Variants in HS3ST4 observed in about 807,000 individuals in gnomAD.
The protein encoded by HS3ST4 is heparan sulfate glucosamine 3-O-sulfotransferase 4.
Under a neutral mutation model 29.2 loss-of-function variants are expected in HS3ST4, and 17 were observed. The ratio of observed to expected loss-of-function variants is 0.58; its 90% CI spans 0.40 to 0.87. HS3ST4 has a LOEUF of 0.87. HS3ST4 is among the 40% of genes least tolerant of loss of function. HS3ST4 has a pLI of 0.00. For missense variants in HS3ST4, 627 were observed against 634.5 expected (o/e 0.99, Z 0.13); for synonymous variants, 314 against 285.7 (o/e 1.10, Z -1.00).
At position 25,841,910 on chromosome 16, in the gene HS3ST4, A is replaced by G. The variant is rs146303648; in HGVS notation, c.734+148759A>G. On this transcript the variant is annotated intron_variant, in intron 1 of 1. Coordinates refer to ENST00000331351, the MANE Select transcript of HS3ST4 (RefSeq NM_006040.3). ...ATAAGAGTCCTAAAGACATTCTGAT[A>G]GAGGCTTATAATCAGTACAAATTGT... 6.2e-3 allele frequency among the ~76,000 whole-genome samples: 943 copies of G among 152,368 alleles called. 7 individuals are homozygous for G. Among genetic ancestry groups the G allele is most frequent in the African/African-American group, 0.022 (900 of 41,590 alleles).
chr16:25,832,311 T>G (rs1437345943), intron 1 of HS3ST4, among the ~76,000 whole-genome samples: 3 of 152,100 alleles, frequency 2.0e-5, no homozygotes, highest in Non-Finnish European at 4.4e-5. Context: ...TGTTCTCAAA[T>G]GCAGAAACAA....
At chr16:26,107,784 C>A (rs1268560931) in intron 1 of HS3ST4, among the ~76,000 whole-genome samples, 1 of 152,106 alleles carries the variant, frequency 6.6e-6, no homozygotes, top group East Asian at 1.9e-4. Context: ...TCTTTATTCA[C>A]TCATCGGTTG....
chr16:26,041,298 G>A (rs1013913782), intron 1 of HS3ST4, among the ~76,000 whole-genome samples: 1 of 152,062 alleles, frequency 6.6e-6, no homozygotes, highest in Non-Finnish European at 1.5e-5. Flanking sequence ...CTATGATCAT[G>A]CACTGCACTC....
intron 1 of HS3ST4, among the ~76,000 whole-genome samples, chr16:25,941,914 TTC>T (rs1416988612): frequency 6.6e-6 from 1 of 152,222 alleles, no homozygotes; most frequent in Non-Finnish European, 1.5e-5. Flanking sequence ...TAGAATAGAA[TTC>T]TGTGTGGGCA....
At chr16:25,734,260 T>C (rs1966591391) in intron 1 of HS3ST4, among the ~76,000 whole-genome samples, 2 of 152,272 alleles carry the variant, frequency 1.3e-5, no homozygotes, top group Non-Finnish European at 2.9e-5. Context: ...TGAATTTTTA[T>C]ATGAAATTTC....
At chr16:25,890,943 G>A (rs1596604463) in intron 1 of HS3ST4, among the ~76,000 whole-genome samples, 2 of 142,440 alleles carry the variant, frequency 1.4e-5, no homozygotes, top group African/African-American at 3.1e-5. Context: ...AAAATGGATG[G>A]GGCTGGCTGG....
intron 1 of HS3ST4, among the ~76,000 whole-genome samples, chr16:26,078,562 C>T (rs1898692749): frequency 6.6e-6 from 1 of 152,160 alleles, no homozygotes; most frequent in South Asian, 2.1e-4. Flanking sequence ...AAAGGATTGG[C>T]TGCTTTGATT....
chr16:25,790,423 A>G (rs1038715870), intron 1 of HS3ST4, among the ~76,000 whole-genome samples: 1 of 147,288 alleles, frequency 6.8e-6, no homozygotes, highest in African/African-American at 2.7e-5. Context: ...ACAAAAACAT[A>G]AAGAAAAACA....
intron 1 of HS3ST4, among the ~76,000 whole-genome samples, chr16:25,897,251 C>T (rs904544934): frequency 6.6e-6 from 1 of 152,092 alleles, no homozygotes; most frequent in East Asian, 1.9e-4. Context: ...CTCAGGAGTT[C>T]GAGACCAGTC....
intron 1 of HS3ST4, among the ~76,000 whole-genome samples, chr16:25,731,375 G>A (rs1344002912): frequency 6.6e-6 from 1 of 152,116 alleles, no homozygotes; most frequent in Admixed American, 6.5e-5. Context: ...AGGCCTCCCT[G>A]TGTTGCCCAG....
rs1363781220 is a variant in HS3ST4 at position 25,850,124 on chromosome 16, C to T, written c.734+156973C>T. On this transcript the variant is annotated intron_variant, in intron 1 of 1. Transcript: ENST00000331351. ...AGGCAATTCTCCTGCCTCAGTCTCT[C>T]GAGTAGCTGGGATTACAGGCATGCA... Among the ~76,000 whole-genome samples the T allele has an allele frequency of 3.3e-5, 5 of 151,420 alleles. No individual in the cohort carries two copies. In the Middle Eastern group the frequency reaches 0.01, roughly 309 times the overall value.
chr16:25,729,836 C>T lies in HS3ST4; in HGVS notation c.734+36685C>T, dbSNP rs1308420306. On this transcript the variant is annotated intron_variant, in intron 1 of 1. Transcript: ENST00000331351. ...AATGAATTGAGAAGGATAAGAGGAC[C>T]GAGCTTCCAGCCTCGGGTACAGGTA... 4.6e-5 allele frequency among the ~76,000 whole-genome samples: 7 copies of T among 152,228 alleles called. 1 individual carries two copies. Among genetic ancestry groups the T allele is most frequent in the South Asian group, 4.2e-4 (2 of 4,812 alleles).
chr16:25,943,620 C>T (rs1309779724), intron 1 of HS3ST4, among the ~76,000 whole-genome samples: 1 of 152,134 alleles, frequency 6.6e-6, no homozygotes, highest in Non-Finnish European at 1.5e-5. Context: ...AAAGTACTCA[C>T]AGTCAGGGTG....
At chr16:26,025,950 AT>A (rs1969466927) in intron 1 of HS3ST4, among the ~76,000 whole-genome samples, 1 of 151,660 alleles carries the variant, frequency 6.6e-6, no homozygotes, top group South Asian at 2.1e-4. Context: ...TAATTTTTGT[AT>A]TTTTAGTAGA....
At chr16:25,775,056 G>A (rs1039051631) in intron 1 of HS3ST4, among the ~76,000 whole-genome samples, 3 of 152,218 alleles carry the variant, frequency 2.0e-5, no homozygotes, top group Non-Finnish European at 4.4e-5. Flanking sequence ...CTGAGTCGCT[G>A]TCGCACCCAC....
intron 1 of HS3ST4, among the ~76,000 whole-genome samples, chr16:25,809,207 A>G (rs945654549): frequency 3.3e-5 from 5 of 152,274 alleles, no homozygotes; most frequent in African/African-American, 1.2e-4. Flanking sequence ...TTTCACCACT[A>G]AGTATGATGT....
At chr16:26,043,912 T>C (rs1377685776) in intron 1 of HS3ST4, among the ~76,000 whole-genome samples, 1 of 152,196 alleles carries the variant, frequency 6.6e-6, no homozygotes, top group Non-Finnish European at 1.5e-5. Context: ...CCCAGGCCCT[T>C]ACTAGCATTT....
At chr16:26,113,376 G>A (rs1341214657) in intron 1 of HS3ST4, among the ~76,000 whole-genome samples, 2 of 151,128 alleles carry the variant, frequency 1.3e-5, no homozygotes, top group East Asian at 1.9e-4. Flanking sequence ...AAACCGGGGG[G>A]TAGAGGTTGC....
At chr16:25,859,307 C>CA (rs1301516820) in intron 1 of HS3ST4, among the ~76,000 whole-genome samples, 1 of 152,164 alleles carries the variant, frequency 6.6e-6, no homozygotes, top group East Asian at 1.9e-4. Context: ...GGCTATTTCA[C>CA]ACATATTATC....
Sources: gnomAD v4.1 joint callset for allele counts (sites outside exome capture counted in the v4.1 genomes callset) on GRCh38, gnomAD v4.1.1 for gene constraint, MANE v1.5 for transcripts, NCBI Gene and HGNC (gene_info 2026-07-23, HGNC 2026-07-21) for gene names.